The following SUPT3H variants were observed in gnomAD, a reference collection of about 807,000 sequenced individuals.
The protein encoded by SUPT3H is transcription initiation protein SPT3 homolog.
A neutral mutation model predicts 44.3 loss-of-function variants in SUPT3H; 44 were observed. The ratio of observed to expected loss-of-function variants is 0.99; its 90% CI spans 0.78 to 1.28. The LOEUF (loss-of-function observed/expected upper bound fraction) is 1.28, where lower values mean the gene tolerates loss of function less well. Among genes scored for constraint, SUPT3H ranks in the 50% most tolerant of loss-of-function variants. The pLI, the probability that SUPT3H is intolerant of heterozygous loss-of-function variation, is 0.00. For synonymous variants in SUPT3H, 124 were observed against 125.6 expected (o/e 0.99, Z 0.09); for missense variants, 380 against 387.1 (o/e 0.98, Z 0.15).
intron 1 of SUPT3H, among the ~76,000 whole-genome samples, chr6:45,366,300 C>A (rs1381553163): frequency 2.0e-5 from 3 of 152,114 alleles, no homozygotes; most frequent in Non-Finnish European, 2.9e-5. Flanking sequence ...GATTTGAATC[C>A]CAGCTCCGCT....
At chr6:44,942,066 C>T (rs73735264) in intron 9 of SUPT3H, among the ~76,000 whole-genome samples, 1,604 of 151,992 alleles carry the variant, frequency 0.011, 30 homozygotes, top group African/African-American at 0.036. Flanking sequence ...TCAACAGGAT[C>T]GGGAAGAAAT....
chr6:45,289,726 A>T (rs558822232), intron 2 of SUPT3H, among the ~76,000 whole-genome samples: 2 of 152,260 alleles, frequency 1.3e-5, no homozygotes, highest in African/African-American at 4.8e-5. Context: ...CATCAGTCAT[A>T]CCTCTGTTAC....
intron 6 of SUPT3H, among the ~76,000 whole-genome samples, chr6:44,999,580 G>A (rs960404432): frequency 3.3e-5 from 5 of 151,996 alleles, no homozygotes; most frequent in African/African-American, 1.2e-4. Flanking sequence ...AATCCTTGGA[G>A]TTGTACGATT....
chr6:44,920,849 T>C (rs957865007), intron 10 of SUPT3H, among the ~76,000 whole-genome samples: 15 of 152,198 alleles, frequency 9.9e-5, no homozygotes, highest in African/African-American at 3.6e-4. Context: ...CATACATCTA[T>C]TTTATTTTTC....
Position 45,014,822 on chromosome 6 carries a change from C to T in SUPT3H, c.343G>A (p.Asp115Asn), listed in dbSNP as rs376196104. The part of the protein sequence containing the change: ...DYKSKIVKGI[D>N]EDDLLEDKLS... ...TTACCTTCGAGAAGATCATCCTCAT[C>T]GATGCCTTTGACAATCTTTGATTTG... Residue 115 changes from aspartate (D) to asparagine (N), a missense_variant, in exon 5 of 11, where the codon GAT becomes AAT. Transcript: ENST00000371459. The T allele has an allele frequency of 4.5e-5, 71 of 1,590,936 alleles. No homozygotes were observed. Among genetic ancestry groups the T allele is most frequent in the South Asian group, 1.3e-4 (11 of 85,956 alleles).
At chr6:44,988,219 C>T (rs1780087075) in intron 6 of SUPT3H, among the ~76,000 whole-genome samples, 1 of 151,876 alleles carries the variant, frequency 6.6e-6, no homozygotes, top group African/African-American at 2.4e-5. Context: ...GCACTAAGTA[C>T]TACTAATACT....
intron 5 of SUPT3H, among the ~76,000 whole-genome samples, chr6:45,005,717 AT>A (rs1471450930): frequency 1.3e-5 from 2 of 151,092 alleles, no homozygotes; most frequent in South Asian, 2.1e-4. Flanking sequence ...AAAAAAAAAA[AT>A]TTAATTTCTA....
At chr6:44,908,308 T>C (rs1482510430) in intron 10 of SUPT3H, among the ~76,000 whole-genome samples, 2 of 152,004 alleles carry the variant, frequency 1.3e-5, no homozygotes, top group South Asian at 2.1e-4. Context: ...CCCACCACCA[T>C]GCCCAGCTAA....
intron 2 of SUPT3H, among the ~76,000 whole-genome samples, chr6:45,168,828 AAGCTT>A (rs1381947526): frequency 6.6e-6 from 1 of 152,172 alleles, no homozygotes; most frequent in African/African-American, 2.4e-5. Context: ...GCAAAAGAGA[AAGCTT>A]AGCTTAAACT....
chr6:45,280,407 G>A (rs1184506437), intron 2 of SUPT3H, among the ~76,000 whole-genome samples: 2 of 152,070 alleles, frequency 1.3e-5, no homozygotes, highest in African/African-American at 2.4e-5. Flanking sequence ...TCGGGGGGCT[G>A]ACACAGGAGA....
chr6:45,304,603 C>T (rs1268369472), intron 2 of SUPT3H, among the ~76,000 whole-genome samples: 1 of 151,752 alleles, frequency 6.6e-6, no homozygotes, highest in Admixed American at 6.6e-5. Context: ...ATTTTTTTTC[C>T]TAAAAAGAAA....
Position 45,288,193 on chromosome 6 carries a change from T to C in SUPT3H, c.101+77008A>G, listed in dbSNP as rs1413814453. ...GCTACTCACCTTTCACAATATGATA[T>C]CAAATCCATTCCACCTCAACCTCAA... is the stretch of plus-strand genomic sequence containing the variant. On this transcript the variant is annotated intron_variant, in intron 2 of 10. Transcript: ENST00000371459. Among the ~76,000 whole-genome samples, 11 of 152,216 alleles carry C rather than the reference T, an allele frequency of 7.2e-5. No individual in the cohort carries two copies. The East Asian group carries it at 7.7e-4, about 11-fold the overall frequency.
chr6:45,143,219 C>T (rs943162389), intron 2 of SUPT3H, among the ~76,000 whole-genome samples: 1 of 152,098 alleles, frequency 6.6e-6, no homozygotes, highest in Non-Finnish European at 1.5e-5. Flanking sequence ...AACATATTTA[C>T]AGAAAATTCT....
At chr6:44,853,849 C>A (rs1435848835) in intron 10 of SUPT3H, among the ~76,000 whole-genome samples, 1 of 151,908 alleles carries the variant, frequency 6.6e-6, no homozygotes, top group African/African-American at 2.4e-5. Flanking sequence ...GAGAGTAGTT[C>A]TCTTCCTGAT....
intron 6 of SUPT3H, among the ~76,000 whole-genome samples, chr6:44,984,900 G>A (rs897267336): frequency 2.0e-5 from 3 of 152,026 alleles, no homozygotes; most frequent in African/African-American, 7.2e-5. Context: ...AATAAATCAG[G>A]TAGAGGTGCC....
intron 2 of SUPT3H, among the ~76,000 whole-genome samples, chr6:45,159,906 C>G (rs1417921986): frequency 1.3e-5 from 2 of 152,114 alleles, no homozygotes; most frequent in Admixed American, 1.3e-4. Context: ...AAAACACACC[C>G]ACACCTACAT....
At chr6:44,908,381 G>C (rs1422429959) in intron 10 of SUPT3H, among the ~76,000 whole-genome samples, 3 of 151,958 alleles carry the variant, frequency 2.0e-5, no homozygotes, top group Non-Finnish European at 4.4e-5. Context: ...TCGATCTCCT[G>C]ACCTCGTGAT....
chr6:44,852,747 A>G (rs1773092495), intron 10 of SUPT3H, among the ~76,000 whole-genome samples: 1 of 152,228 alleles, frequency 6.6e-6, no homozygotes, highest in Non-Finnish European at 1.5e-5. Context: ...AAAAACTCCT[A>G]TCAGCATACA....
At chr6:45,303,976 CAAA>C (rs1241434882) in intron 2 of SUPT3H, among the ~76,000 whole-genome samples, 1 of 92,504 alleles carries the variant, frequency 1.1e-5, no homozygotes. Flanking sequence ...GACTCTGTCT[CAAA>C]AAAAAAAAAA....
Sources: gnomAD v4.1 joint callset for allele counts (sites outside exome capture counted in the v4.1 genomes callset) on GRCh38, gnomAD v4.1.1 for gene constraint, MANE v1.5 for transcripts, NCBI Gene and HGNC (gene_info 2026-07-23, HGNC 2026-07-21) for gene names.